The following DSCC1 variants were observed in gnomAD, a reference collection of about 807,000 sequenced individuals.
DSCC1 encodes the protein DNA replication and sister chromatid cohesion 1.
Under a neutral mutation model 48.2 loss-of-function variants are expected in DSCC1, and 32 were observed. The ratio of observed to expected loss-of-function variants is 0.66; its 90% CI spans 0.50 to 0.89. DSCC1 has a LOEUF of 0.89. Among genes scored for constraint, DSCC1 ranks in the 40% least tolerant of loss-of-function variants. The pLI, the probability that DSCC1 is intolerant of heterozygous loss-of-function variation, is 0.00. For missense variants in DSCC1, 421 were observed against 471.7 expected, an observed-to-expected ratio of 0.89 and a Z score of 1.00; for synonymous variants, 150 against 171.5, an observed-to-expected ratio of 0.87 and a Z score of 0.98.
At position 119,853,235 on chromosome 8, in the gene DSCC1, AAAT is replaced by A; in HGVS notation, c.183-23_183-21del. On this transcript the variant is annotated intron_variant, in intron 1 of 8. Transcript: ENST00000313655. ...ACAAGACTGTAGCAAAATGGGGGAAAAATATATAGTTTATTGACAATCCAGTAG... is the reference window on the plus strand; with the variant it reads ...ACAAGACTGTAGCAAAATGGGGGAAAATATAGTTTATTGACAATCCAGTAG... The A allele has an allele frequency of 6.3e-7, 1 of 1,594,914 alleles. No individual in the cohort carries two copies. The highest frequency in any genetic ancestry group is 2.3e-5 in the East Asian group (1 of 44,412).
chr8:119,852,983 G>C (rs1486243025), intron 2 of DSCC1, 64 bp downstream of exon 2: 2 of 1,394,274 alleles, frequency 1.4e-6, no homozygotes, highest in African/African-American at 1.4e-5. Flanking sequence ...TTTAACTAAA[G>C]ATCAAATTAC....
At chr8:119,845,990 G>A (rs901733096) in intron 4 of DSCC1, among the ~76,000 whole-genome samples, 19 of 152,114 alleles carry the variant, frequency 1.2e-4, no homozygotes, top group African/African-American at 4.6e-4. Context: ...AAGGACCTGG[G>A]TTCTATGCCA....
chr8:119,836,175 T>C (rs1038390503), intron 8 of DSCC1, among the ~76,000 whole-genome samples: 4 of 152,192 alleles, frequency 2.6e-5, no homozygotes, highest in Admixed American at 2.6e-4. Context: ...TAGCTGGGCA[T>C]GGTGGTGCAC....
chr8:119,848,400 A>G (rs988564923), intron 3 of DSCC1, among the ~76,000 whole-genome samples: 4 of 152,262 alleles, frequency 2.6e-5, no homozygotes, highest in Non-Finnish European at 4.4e-5. Context: ...GGACTATCTA[A>G]AGAATTCGCT....
chr8:119,853,298 G>T, intron 1 of DSCC1, 83 bp from the exon 2 acceptor site: 1 of 1,331,326 alleles, frequency 7.5e-7, no homozygotes, highest in Non-Finnish European at 9.8e-7. Flanking sequence ...AAACCCTCTA[G>T]GCTTGCAGAA....
chr8:119,851,309 G>C (rs747863423), intron 2 of DSCC1, among the ~76,000 whole-genome samples: 7 of 152,202 alleles, frequency 4.6e-5, no homozygotes, highest in South Asian at 2.1e-4. Context: ...ATGAGGCCTA[G>C]AGCCTGAAGG....
At chr8:119,840,556 G>A (rs559631817) in intron 7 of DSCC1, among the ~76,000 whole-genome samples, 1 of 152,338 alleles carries the variant, frequency 6.6e-6, no homozygotes, top group South Asian at 2.1e-4. Flanking sequence ...TGATCCTGAA[G>A]GGCCTTATAG....
At chr8:119,847,186 T>A in intron 3 of DSCC1, 106 bp from the exon 4 acceptor site, 1 of 851,048 alleles carries the variant, frequency 1.2e-6, no homozygotes, top group Non-Finnish European at 1.8e-6. Flanking sequence ...AGGCAATATT[T>A]ATGCACTAGC....
At chr8:119,850,575 A>G in intron 2 of DSCC1, 59 bp from the exon 3 acceptor site, 1 of 1,422,662 alleles carries the variant, frequency 7.0e-7, no homozygotes, top group East Asian at 2.5e-5. Context: ...ATTTCATACA[A>G]AATTACAACT....
At chr8:119,840,804 C>T (rs534459533) in intron 7 of DSCC1, among the ~76,000 whole-genome samples, 161 of 151,508 alleles carry the variant, frequency 1.1e-3, no homozygotes, top group African/African-American at 3.7e-3. Flanking sequence ...CCTAGCTACT[C>T]GGGAGCCTGA....
chr8:119,835,716 C>T (rs1411797547), intron 8 of DSCC1, among the ~76,000 whole-genome samples: 1 of 152,044 alleles, frequency 6.6e-6, no homozygotes, highest in African/African-American at 2.4e-5. Flanking sequence ...TACAGTGAGG[C>T]CTACACAGCA....
chr8:119,837,730 G>T (rs1210815572), intron 8 of DSCC1, among the ~76,000 whole-genome samples: 1 of 152,170 alleles, frequency 6.6e-6, no homozygotes, highest in East Asian at 1.9e-4. Context: ...GTAAAGTGTA[G>T]ACAGTAAGAG....
rs1447072868 is a variant in DSCC1, at chr8:119,847,100, T to C, written c.487-20A>G. Reference sequence around the variant, plus strand: ...TGTATACTGCAAAAAGAAAAAAATATTTTAAGGCCTTTGAAGAATATTTTG... The same window carrying C: ...TGTATACTGCAAAAAGAAAAAAATACTTTAAGGCCTTTGAAGAATATTTTG... On this transcript the variant is annotated intron_variant, in intron 3 of 8. Coordinates refer to ENST00000313655, the MANE Select transcript of DSCC1 (RefSeq NM_024094.3). The C allele has an allele frequency of 1.3e-6, 2 of 1,593,106 alleles. No individual in the cohort carries two copies. Among genetic ancestry groups the C allele is most frequent in the Non-Finnish European group, 1.7e-6 (2 of 1,166,858 alleles).
chr8:119,847,518 T>G (rs915729931), intron 3 of DSCC1, among the ~76,000 whole-genome samples: 17 of 151,644 alleles, frequency 1.1e-4, no homozygotes, highest in Admixed American at 9.2e-4. Flanking sequence ...GAAATGGGAG[T>G]GATTGTTGAA....
rs754704738 is a variant in DSCC1, at chr8:119,843,613, G to C, written c.712C>G (p.Pro238Ala). The C allele has an allele frequency of 8.7e-6, 14 of 1,606,952 alleles. No individual in the cohort carries two copies. In the South Asian group the frequency reaches 1.6e-4, roughly 18 times the overall value. The change falls in exon 5 of 9, where the codon CCA becomes GCA. Residue 238 changes from proline to alanine, a missense_variant. Around this residue, in one of 3 missense-constraint regions of DSCC1, gnomAD observed 238 missense variants for 259.0 expected, o/e 0.92. Coordinates refer to ENST00000313655, the MANE Select transcript of DSCC1 (RefSeq NM_024094.3). ...TCLQELGPLEPEEMIEHCLKC... is the reference protein window; with the variant it reads ...TCLQELGPLEAEEMIEHCLKC... ...ACAAGAAATTAAAATACTTACTCTG[G>C]CTCCAATGGTCCGAGTTCCTGAAGG...
intron 1 of DSCC1, among the ~76,000 whole-genome samples, chr8:119,854,931 A>G (rs1311539952): frequency 1.3e-5 from 2 of 152,246 alleles, no homozygotes; most frequent in Non-Finnish European, 2.9e-5. Context: ...AATAAAATAT[A>G]GGTGTCGGAG....
At chr8:119,839,182 C>G (rs903380310) in intron 7 of DSCC1, 57 of 152,284 alleles carry the variant, frequency 3.7e-4, no homozygotes, top group Admixed American at 1.1e-3. Flanking sequence ...TTCACTGTCA[C>G]TCTACTGAGT....
intron 2 of DSCC1, among the ~76,000 whole-genome samples, chr8:119,851,611 C>A (rs926427442): frequency 7.5e-4 from 114 of 152,188 alleles, no homozygotes; most frequent in African/African-American, 2.5e-3. Context: ...AAAAATAAAT[C>A]AAAAATCTAG....
rs752680002 is a variant in DSCC1 at position 119,855,749 on chromosome 8, T to C, written c.47A>G (p.Lys16Arg). 3.8e-6 allele frequency: 6 copies of C among 1,579,252 alleles called. No homozygotes were observed. The African/African-American group carries it at 4.1e-5, about 11-fold the overall frequency. The change falls in exon 1 of 9, where the codon AAG (lysine) becomes AGG (arginine). Residue 16 changes from lysine (K) to arginine (R), a missense_variant. Transcript: ENST00000313655. ...DEVDATLQIA[K>R]LNAAELLPAV... ...CGGCAGCAGCTCGGCCGCATTCAGC[T>C]TGGCGATCTGCAGCGTCGCATCCAC...
Sources: gnomAD v4.1 joint callset for allele counts (sites outside exome capture counted in the v4.1 genomes callset) on GRCh38, gnomAD v4.1.1 for gene constraint, gnomAD v4.1.1 regional missense constraint, MANE v1.5 for transcripts, NCBI Gene and HGNC (gene_info 2026-07-23, HGNC 2026-07-21) for gene names.